HOMER1: variants seen among roughly 807,000 people sequenced by gnomAD.
HOMER1 encodes homer scaffold protein 1.
A neutral mutation model predicts 48.9 loss-of-function variants in HOMER1; 3 were observed. The ratio of observed to expected loss-of-function variants is 0.06; its 90% CI spans 0.03 to 0.16. The LOEUF (loss-of-function observed/expected upper bound fraction) is 0.16, where lower values mean the gene tolerates loss of function less well. Ranked by LOEUF, HOMER1 falls within the 10% of genes least tolerant of loss-of-function variation. The pLI is 1.00. For missense variants in HOMER1, 247 were observed against 411.4 expected (o/e 0.60, Z 3.46); for synonymous variants, 134 against 146.4 (o/e 0.92, Z 0.61).
chr5:79,381,747 T>C (rs1748983691), intron 8 of HOMER1, among the ~76,000 whole-genome samples: 1 of 152,076 alleles, frequency 6.6e-6, no homozygotes, highest in South Asian at 2.1e-4. Flanking sequence ...TAGCTGGCCA[T>C]GGTGGTATGC....
chr5:79,427,288 A>G (rs1194846965), intron 5 of HOMER1, among the ~76,000 whole-genome samples: 1 of 152,218 alleles, frequency 6.6e-6, no homozygotes, highest in Non-Finnish European at 1.5e-5. Flanking sequence ...TTTGAAATGA[A>G]TAATTTTTAG....
chr5:79,391,694 G>C (rs995232048), intron 8 of HOMER1, among the ~76,000 whole-genome samples: 3 of 151,258 alleles, frequency 2.0e-5, no homozygotes, highest in Admixed American at 6.6e-5. Context: ...AGTGAGCTGA[G>C]ATCGCGCCAC....
intron 5 of HOMER1, among the ~76,000 whole-genome samples, chr5:79,404,749 G>A (rs1303092631): frequency 6.6e-6 from 1 of 151,998 alleles, no homozygotes; most frequent in Non-Finnish European, 1.5e-5. Flanking sequence ...TTGTTGCCCA[G>A]GCTGGAGTGC....
intron 2 of HOMER1, among the ~76,000 whole-genome samples, chr5:79,456,028 G>A (rs984337251): frequency 3.3e-5 from 5 of 151,834 alleles, no homozygotes; most frequent in South Asian, 4.2e-4. Context: ...GGAGGCGCAC[G>A]CCTGTAATAC....
At chr5:79,466,292 G>C (rs919485603) in intron 1 of HOMER1, among the ~76,000 whole-genome samples, 2 of 152,008 alleles carry the variant, frequency 1.3e-5, no homozygotes, top group Admixed American at 1.3e-4. Flanking sequence ...GAGACAGGCA[G>C]ATTGCCTGAG....
At chr5:79,416,966 A>C (rs1288242535) in intron 5 of HOMER1, among the ~76,000 whole-genome samples, 1 of 152,166 alleles carries the variant, frequency 6.6e-6, no homozygotes, top group African/African-American at 2.4e-5. Context: ...GTGAATTTGG[A>C]AGGTTGAGAG....
At chr5:79,389,037 C>A (rs1189217895) in intron 8 of HOMER1, among the ~76,000 whole-genome samples, 3 of 151,974 alleles carry the variant, frequency 2.0e-5, no homozygotes, top group African/African-American at 4.8e-5. Flanking sequence ...TCTAGTATAT[C>A]ATTTAAACTT....
At chr5:79,457,756 G>C (rs1403447622) in intron 1 of HOMER1, among the ~76,000 whole-genome samples, 2 of 152,142 alleles carry the variant, frequency 1.3e-5, no homozygotes, top group Admixed American at 1.3e-4. Flanking sequence ...ACATGACACA[G>C]TATTTTTCCC....
chr5:79,487,344 C>A (rs1752136556), intron 1 of HOMER1, among the ~76,000 whole-genome samples: 1 of 152,130 alleles, frequency 6.6e-6, no homozygotes, highest in African/African-American at 2.4e-5. Flanking sequence ...ACACTGAACT[C>A]CATGATCAAC....
intron 1 of HOMER1, among the ~76,000 whole-genome samples, chr5:79,496,355 C>T (rs1195805086): frequency 1.3e-5 from 2 of 152,174 alleles, no homozygotes; most frequent in Non-Finnish European, 2.9e-5. Context: ...CAAACAGAAC[C>T]CTGTCCCCGC....
chr5:79,434,974 G>C (rs2112269086), intron 5 of HOMER1, among the ~76,000 whole-genome samples: 1 of 152,240 alleles, frequency 6.6e-6, no homozygotes, highest in South Asian at 2.1e-4. Context: ...TTTGCTTTAA[G>C]AATAACACAG....
intron 8 of HOMER1, among the ~76,000 whole-genome samples, chr5:79,395,331 A>G (rs961417379): frequency 2.0e-5 from 3 of 152,094 alleles, no homozygotes; most frequent in Non-Finnish European, 4.4e-5. Flanking sequence ...GGATTTCTCA[A>G]CCTTGGCATT....
At chr5:79,387,197 G>C (rs973600702) in intron 8 of HOMER1, among the ~76,000 whole-genome samples, 4 of 151,552 alleles carry the variant, frequency 2.6e-5, no homozygotes, top group African/African-American at 9.7e-5. Context: ...GTGCAATCAT[G>C]GCTCCCTGCA....
chr5:79,434,996 T>A (rs1163914505), intron 5 of HOMER1, among the ~76,000 whole-genome samples: 3 of 152,174 alleles, frequency 2.0e-5, no homozygotes, highest in African/African-American at 7.2e-5. Flanking sequence ...GGAGGAGGAC[T>A]AGATGAGGGC....
At chr5:79,457,110 T>A in intron 1 of HOMER1, 92 bp from the exon 2 acceptor site, 1 of 1,199,580 alleles carries the variant, frequency 8.3e-7, no homozygotes, top group Non-Finnish European at 1.2e-6. Context: ...TGATTCTGCT[T>A]AATCAACAAT....
At chr5:79,482,237 T>C (rs1209886780) in intron 1 of HOMER1, among the ~76,000 whole-genome samples, 1 of 151,786 alleles carries the variant, frequency 6.6e-6, no homozygotes, top group South Asian at 2.1e-4. Flanking sequence ...TAAAAAATAA[T>C]AGAATACAAA....
rs182627684 is a variant in HOMER1, at chr5:79,513,790, G to A, written c.-1016C>T. 7.4e-3 allele frequency: 1,132 copies of A among 152,582 alleles called. 7 individuals carry two copies. Among genetic ancestry groups the A allele is most frequent in the Non-Finnish European group, 0.01 (712 of 68,222 alleles). 9.5% of individuals were successfully genotyped at this position (152,582 alleles called of 1,614,324 possible). The stretch of plus-strand genomic sequence containing the variant: ...GGGCGAAAGGGGCCGAAGGGTCGAC[G>A]GGCGCCTGCCCGAGCCAAGGCGGGA... On this transcript the variant is annotated 5_prime_UTR_variant, in exon 1 of 9. Coordinates refer to ENST00000334082, the MANE Select transcript of HOMER1 (RefSeq NM_004272.5).
chr5:79,501,629 G>A (rs369898593), intron 1 of HOMER1, among the ~76,000 whole-genome samples: 2 of 152,178 alleles, frequency 1.3e-5, no homozygotes, highest in East Asian at 1.9e-4. Flanking sequence ...AAATTAAGTC[G>A]TTGTAAACTA....
At chr5:79,511,472 C>T (rs1752939570) in intron 1 of HOMER1, among the ~76,000 whole-genome samples, 4 of 152,142 alleles carry the variant, frequency 2.6e-5, no homozygotes, top group Admixed American at 2.0e-4. Context: ...ATCTCTAAAT[C>T]GTTCATTTTA....
Sources: allele counts gnomAD v4.1 joint callset (sites outside exome capture counted in the v4.1 genomes callset), GRCh38; gene constraint gnomAD v4.1.1; transcripts MANE v1.5; gene names NCBI Gene and HGNC (gene_info 2026-07-23, HGNC 2026-07-21).